The following SLC20A2 variants were observed in gnomAD, a reference collection of about 807,000 sequenced individuals.
SLC20A2 encodes solute carrier family 20 member 2, also known as sodium-dependent phosphate transporter 2.
Under a neutral mutation model 61.0 loss-of-function variants are expected in SLC20A2, and 30 were observed. That is an observed-to-expected ratio of 0.49 (90% CI 0.37 to 0.67). The LOEUF (loss-of-function observed/expected upper bound fraction) is 0.67. SLC20A2 is among the 30% of genes least tolerant of loss of function. The pLI is 0.00. For synonymous variants in SLC20A2, 351 were observed against 353.3 expected (o/e 0.99, Z 0.07); for missense variants, 626 against 866.4 (o/e 0.72, Z 3.48).
chr8:42,469,490 C>A (rs1298774368), intron 2 of SLC20A2, among the ~76,000 whole-genome samples: 1 of 152,204 alleles, frequency 6.6e-6, no homozygotes, highest in Non-Finnish European at 1.5e-5. Flanking sequence ...ATGATCCCGT[C>A]TGCAGAAAGA....
At chr8:42,446,958 T>C (rs1273832910) in intron 5 of SLC20A2, among the ~76,000 whole-genome samples, 2 of 152,164 alleles carry the variant, frequency 1.3e-5, no homozygotes, top group Non-Finnish European at 2.9e-5. Context: ...AGGGGTTAAC[T>C]ATTTAACACT....
intron 1 of SLC20A2, among the ~76,000 whole-genome samples, chr8:42,513,426 G>C (rs1043198723): frequency 6.6e-6 from 1 of 152,110 alleles, no homozygotes; most frequent in Non-Finnish European, 1.5e-5. Context: ...ATGTTTGGGG[G>C]TATTTTAAAA....
intron 1 of SLC20A2, among the ~76,000 whole-genome samples, chr8:42,526,431 T>C (rs1182811702): frequency 6.6e-6 from 1 of 151,812 alleles, no homozygotes; most frequent in Admixed American, 6.6e-5. Context: ...CCCAGGACTT[T>C]GGGAGGCCAA....
intron 4 of SLC20A2, among the ~76,000 whole-genome samples, chr8:42,460,808 A>G (rs1188944103): frequency 1.3e-5 from 2 of 152,218 alleles, no homozygotes; most frequent in Non-Finnish European, 2.9e-5. Context: ...AGAAACTCCC[A>G]TCAATGTAAC....
At chr8:42,444,905 C>T (rs757712728) in intron 5 of SLC20A2, 143 bp from the exon 6 acceptor site, 4 of 609,098 alleles carry the variant, frequency 6.6e-6, no homozygotes, top group East Asian at 5.5e-5. Context: ...AAAAAACATG[C>T]TATACTTTTT....
At chr8:42,443,931 C>T (rs1160029556) in intron 6 of SLC20A2, among the ~76,000 whole-genome samples, 3 of 152,200 alleles carry the variant, frequency 2.0e-5, no homozygotes, top group African/African-American at 4.8e-5. Flanking sequence ...CTCAGTATCA[C>T]GGCTGTAGGA....
At chr8:42,459,599 A>G (rs1227639483) in intron 5 of SLC20A2, among the ~76,000 whole-genome samples, 1 of 152,262 alleles carries the variant, frequency 6.6e-6, no homozygotes, top group African/African-American at 2.4e-5. Context: ...ACAGCTGCGT[A>G]AATGGCAGAG....
Position 42,487,327 on chromosome 8 carries a change from G to A in SLC20A2, c.-265+13704C>T, listed in dbSNP as rs1307529198. ...CAAGTAGCTGGGACTACTGGCGCCCGCGACCACACCTGGCTAATTTTTTGT... is the reference window on the plus strand; with the variant it reads ...CAAGTAGCTGGGACTACTGGCGCCCACGACCACACCTGGCTAATTTTTTGT... On this transcript the variant is annotated intron_variant, in intron 1 of 10. Coordinates refer to ENST00000520262, the MANE Select transcript of SLC20A2 (RefSeq NM_001257180.2). Among the ~76,000 whole-genome samples the A allele has an allele frequency of 4.6e-5, 7 of 151,592 alleles. No individual in the cohort carries two copies. In the South Asian group the frequency reaches 6.3e-4, roughly 14 times the overall value.
At chr8:42,439,700 T>C in intron 6 of SLC20A2, 47 bp from the exon 7 acceptor site, 1 of 1,313,524 alleles carries the variant, frequency 7.6e-7, no homozygotes. Context: ...AGAGTTCTTA[T>C]TATTGAAACA....
At chr8:42,511,204 C>T (rs1407324874) in intron 1 of SLC20A2, among the ~76,000 whole-genome samples, 2 of 152,114 alleles carry the variant, frequency 1.3e-5, no homozygotes, top group African/African-American at 4.8e-5. Context: ...GGCAGATGCC[C>T]ACGTGTGTGG....
At chr8:42,451,309 A>G (rs1239769804) in intron 5 of SLC20A2, among the ~76,000 whole-genome samples, 1 of 150,576 alleles carries the variant, frequency 6.6e-6, no homozygotes, top group Non-Finnish European at 1.5e-5. Context: ...GGAGGAAGAG[A>G]TAAGGAGGAG....
At chr8:42,530,525 T>C (rs1452136933) in intron 1 of SLC20A2, among the ~76,000 whole-genome samples, 3 of 152,228 alleles carry the variant, frequency 2.0e-5, no homozygotes, top group Non-Finnish European at 2.9e-5. Flanking sequence ...AATGTTGACA[T>C]GCTTCTTCTT....
chr8:42,462,983 TA>T, intron 4 of SLC20A2, 21 bp downstream of exon 4: 2 of 1,474,268 alleles, frequency 1.4e-6, no homozygotes, highest in Non-Finnish European at 9.3e-7. Context: ...AAGATTTAAT[TA>T]AAAGTAGCAG....
At chr8:42,489,991 G>A (rs1259904365) in intron 1 of SLC20A2, among the ~76,000 whole-genome samples, 2 of 152,106 alleles carry the variant, frequency 1.3e-5, no homozygotes, top group Non-Finnish European at 2.9e-5. Context: ...TTTACCATGT[G>A]CAAATAAAAA....
intron 3 of SLC20A2, 60 bp from the exon 4 acceptor site, chr8:42,463,150 T>G: frequency 1.1e-6 from 1 of 938,696 alleles, no homozygotes; most frequent in Middle Eastern, 2.3e-4. Flanking sequence ...TATGGTCCTA[T>G]TCATAGAACA....
chr8:42,498,018 A>C (rs1810056605), intron 1 of SLC20A2, among the ~76,000 whole-genome samples: 1 of 152,194 alleles, frequency 6.6e-6, no homozygotes, highest in South Asian at 2.1e-4. Context: ...AGTTGACTCA[A>C]TATCCTAAAC....
rs568518241 is a variant in SLC20A2, at chr8:42,513,388, A to T, written c.-265+28433T>A. Among the ~76,000 whole-genome samples, 4 of 152,156 alleles carry T rather than the reference A, an allele frequency of 2.6e-5. No individual in the cohort carries two copies. The South Asian group carries it at 8.3e-4, about 31-fold the overall frequency. On this transcript the variant is annotated intron_variant, in intron 1 of 10. Coordinates refer to the SLC20A2 transcript ENST00000342228. The stretch of plus-strand genomic sequence containing the variant: ...AGTCTTGGGAGACACATATGACATG[A>T]CTTTATGCTGTTATATTCAGACAGT...
intron 1 of SLC20A2, among the ~76,000 whole-genome samples, chr8:42,490,256 C>A (rs1006774715): frequency 6.6e-6 from 1 of 151,968 alleles, no homozygotes; most frequent in East Asian, 1.9e-4. Flanking sequence ...TATATCTGAC[C>A]AGGAGACATT....
chr8:42,523,883 C>T (rs922675635), intron 1 of SLC20A2, among the ~76,000 whole-genome samples: 1 of 152,180 alleles, frequency 6.6e-6, no homozygotes, highest in Non-Finnish European at 1.5e-5. Context: ...AAAAATAATT[C>T]TTCTTGTGAT....
Sources: allele counts gnomAD v4.1 joint callset (sites outside exome capture counted in the v4.1 genomes callset), GRCh38; gene constraint gnomAD v4.1.1; transcripts MANE v1.5; gene names NCBI Gene and HGNC (gene_info 2026-07-23, HGNC 2026-07-21).